Variants in PDZD2 observed in about 807,000 individuals in gnomAD.
PDZD2 encodes PDZ domain-containing protein 2.
PDZD2 carries 90 observed loss-of-function variants against 220.7 expected under a neutral mutation model. The ratio of observed to expected loss-of-function variants is 0.41; its 90% CI spans 0.34 to 0.49. The LOEUF is 0.49. Ranked by LOEUF, PDZD2 falls within the 20% of genes least tolerant of loss-of-function variation. The pLI, the probability that PDZD2 is intolerant of heterozygous loss-of-function variation, is 0.28. For missense variants in PDZD2, 3,174 were observed against 3,608.5 expected (o/e 0.88, Z 3.08); for synonymous variants, 1,375 against 1,450.5 (o/e 0.95, Z 1.18).
chr5:31,850,268 A>G (rs1412022363), intron 2 of PDZD2, among the ~76,000 whole-genome samples: 2 of 147,320 alleles, frequency 1.4e-5, no homozygotes, highest in East Asian at 3.9e-4. Context: ...ACACATATAT[A>G]TACTTATCAT....
chr5:31,739,444 G>C (rs1225669419), intron 1 of PDZD2, among the ~76,000 whole-genome samples: 1 of 151,984 alleles, frequency 6.6e-6, no homozygotes, highest in African/African-American at 2.4e-5. Flanking sequence ...ATTTGTTGTA[G>C]TATTATATAG....
chr5:31,681,776 A>AT (rs1348655880), intron 1 of PDZD2, among the ~76,000 whole-genome samples: 1 of 152,190 alleles, frequency 6.6e-6, no homozygotes, highest in East Asian at 1.9e-4. Flanking sequence ...TGACAAGCTG[A>AT]TTTTAGCAAC....
chr5:31,885,144 A>G (rs948589678), intron 2 of PDZD2, among the ~76,000 whole-genome samples: 1 of 150,302 alleles, frequency 6.7e-6, no homozygotes. Flanking sequence ...TCCCAGAAGA[A>G]AAAGTGCAAA....
At chr5:31,842,062 A>G (rs972156626) in intron 2 of PDZD2, among the ~76,000 whole-genome samples, 3 of 152,204 alleles carry the variant, frequency 2.0e-5, no homozygotes, top group African/African-American at 7.2e-5. Flanking sequence ...CTGACACCCC[A>G]TGAACACTTA....
At chr5:31,945,806 A>G (rs538483077) in intron 2 of PDZD2, among the ~76,000 whole-genome samples, 1 of 151,974 alleles carries the variant, frequency 6.6e-6, no homozygotes, top group East Asian at 1.9e-4. Context: ...TAGGATGGGG[A>G]CAGGTGCACA....
intron 1 of PDZD2, among the ~76,000 whole-genome samples, chr5:31,680,031 C>T (rs939925516): frequency 1.3e-5 from 2 of 152,222 alleles, no homozygotes; most frequent in African/African-American, 4.8e-5. Flanking sequence ...TCTTCTAGAG[C>T]ATTTTTCTTG....
chr5:31,737,511 G>A (rs1046592361), intron 1 of PDZD2, among the ~76,000 whole-genome samples: 2 of 152,162 alleles, frequency 1.3e-5, no homozygotes, highest in Non-Finnish European at 2.9e-5. Flanking sequence ...TCTGAGGCCA[G>A]TCCTGCTACT....
In PDZD2 at chr5:31,862,105, T is replaced by G. The variant is rs1012052047; in HGVS notation, c.476+62381T>G. On this transcript the variant is annotated intron_variant, in intron 2 of 24. Coordinates refer to ENST00000438447, the MANE Select transcript of PDZD2 (RefSeq NM_178140.4). ...GACTCAATGTTTTTTTTTTGGGTTT[T>G]TTTTTTTTTTTTTTTTTTGAGATGG... Among the ~76,000 whole-genome samples, 52 of 135,124 alleles carry G rather than the reference T, an allele frequency of 3.8e-4. 1 individual carries two copies. Among genetic ancestry groups the G allele is most frequent in the African/African-American group, 1.4e-3 (49 of 34,764 alleles). 88.6% of individuals were successfully genotyped at this position (135,124 alleles called of 152,430 possible). A position where few individuals can be genotyped will look rare whatever the true frequency, so the allele number is the denominator to read the frequency against.
intron 1 of PDZD2, among the ~76,000 whole-genome samples, chr5:31,768,892 G>A (rs1485837910): frequency 6.6e-6 from 1 of 152,142 alleles, no homozygotes; most frequent in Non-Finnish European, 1.5e-5. Flanking sequence ...GGTAATACTG[G>A]GAATCCTTGT....
At chr5:31,775,707 A>G (rs1024585649) in intron 1 of PDZD2, among the ~76,000 whole-genome samples, 15 of 92,650 alleles carry the variant, frequency 1.6e-4, no homozygotes, top group East Asian at 1.1e-3. Context: ...GTGTGTGTGT[A>G]GTCATCTCCC....
intron 1 of PDZD2, among the ~76,000 whole-genome samples, chr5:31,751,093 G>C (rs1412665554): frequency 6.6e-6 from 1 of 151,936 alleles, no homozygotes; most frequent in African/African-American, 2.4e-5. Context: ...AAATACAAAA[G>C]TACCTGGGCG....
At chr5:32,102,794 CAA>C (rs942331057) in intron 24 of PDZD2, among the ~76,000 whole-genome samples, 4 of 151,738 alleles carry the variant, frequency 2.6e-5, no homozygotes, top group African/African-American at 9.7e-5. Context: ...GTAAAAAAAA[CAA>C]AATGCAAGCT....
At chr5:31,687,204 G>A (rs1303637484) in intron 1 of PDZD2, among the ~76,000 whole-genome samples, 2 of 152,192 alleles carry the variant, frequency 1.3e-5, no homozygotes, top group Non-Finnish European at 2.9e-5. Context: ...AGGCTCCCAG[G>A]AGCTGATGGA....
chr5:31,989,416 C>CTTTTTTTTTTTTTTTTTTTTTTATTTT, intron 3 of PDZD2, among the ~76,000 whole-genome samples: 1 of 120,642 alleles, frequency 8.3e-6, no homozygotes, highest in Admixed American at 7.7e-5. Context: ...ACCACATTTT[C>CTTTTTTTTTTTTTTTTTTTTTTATTTT]TTTTCTTTTT....
At position 31,662,852 on chromosome 5, in the gene PDZD2, G is replaced by T. The variant is rs1035161614; in HGVS notation, c.-361+23415G>T. On this transcript the variant is annotated intron_variant, in intron 1 of 24. Coordinates refer to ENST00000438447, the MANE Select transcript of PDZD2 (RefSeq NM_178140.4). ...TCACCGTGTTAGCCAGGATGGTCTT[G>T]ATCTCCTGACCTTGTGATCCACCCG... 2.0e-5 allele frequency among the ~76,000 whole-genome samples: 3 copies of T among 152,130 alleles called. No individual in the cohort carries two copies. The South Asian group carries it at 6.2e-4, about 32-fold the overall frequency.
In PDZD2 at chr5:31,778,803, G is replaced by C. The variant is rs149852675; in HGVS notation, c.-360-20086G>C. On this transcript the variant is annotated intron_variant, in intron 1 of 24. Coordinates refer to ENST00000438447, the MANE Select transcript of PDZD2 (RefSeq NM_178140.4). ...CCAGCCACATGGTGTTTTTAAATCAGTAAAGTAATAAATGTTCACAAGCAT... is the reference window on the plus strand; with the variant it reads ...CCAGCCACATGGTGTTTTTAAATCACTAAAGTAATAAATGTTCACAAGCAT... Among the ~76,000 whole-genome samples the C allele has an allele frequency of 8.8e-4, 134 of 152,160 alleles. 1 individual carries two copies. Among genetic ancestry groups the C allele is most frequent in the African/African-American group, 3.0e-3 (126 of 41,486 alleles).
intron 1 of PDZD2, among the ~76,000 whole-genome samples, chr5:31,796,387 G>C (rs4867083): frequency 0.089 from 13,571 of 152,176 alleles, 1,308 homozygotes; most frequent in East Asian, 0.52. Context: ...CCGGTCCTGC[G>C]CTTCTGCCCG....
chr5:31,764,019 C>T (rs960854810), intron 1 of PDZD2, among the ~76,000 whole-genome samples: 1 of 152,158 alleles, frequency 6.6e-6, no homozygotes, highest in African/African-American at 2.4e-5. Flanking sequence ...TGGAATTCCT[C>T]TGGAAGACAA....
chr5:31,652,681 G>T lies in PDZD2; in HGVS notation c.-361+13244G>T, dbSNP rs533568821. On this transcript the variant is annotated intron_variant, in intron 1 of 24. Coordinates refer to ENST00000438447, the MANE Select transcript of PDZD2 (RefSeq NM_178140.4). Reference sequence around the variant, plus strand: ...GCATCAAATTGTTTGGCTGTCTTCCGGACCAGAGGGAGGAAAAATGGTGAA... The same window carrying T: ...GCATCAAATTGTTTGGCTGTCTTCCTGACCAGAGGGAGGAAAAATGGTGAA... Among the ~76,000 whole-genome samples the T allele has an allele frequency of 2.6e-4, 40 of 152,258 alleles. 2 individuals are homozygous for T. Among genetic ancestry groups the T allele is most frequent in the African/African-American group, 9.2e-4 (38 of 41,526 alleles).
Sources: gnomAD v4.1 joint callset for allele counts (sites outside exome capture counted in the v4.1 genomes callset) on GRCh38, gnomAD v4.1.1 for gene constraint, MANE v1.5 for transcripts, NCBI Gene and HGNC (gene_info 2026-07-23, HGNC 2026-07-21) for gene names.